ZNF891: variants seen among roughly 807,000 people sequenced by gnomAD.
ZNF891 encodes the protein zinc finger protein 891.
For missense variants in ZNF891, 589 were observed against 632.7 expected (o/e 0.93, Z 0.74); for synonymous variants, 199 against 209.0 (o/e 0.95, Z 0.41).
At chr12:133,128,139 C>T (rs1054546863) in intron 1 of ZNF891, among the ~76,000 whole-genome samples, 27 of 152,140 alleles carry the variant, frequency 1.8e-4, no homozygotes, top group African/African-American at 6.0e-4. Flanking sequence ...TGTCACAAAT[C>T]GGTGAATAAA....
chr12:133,106,318 T>A lies in ZNF891; in HGVS notation c.*13966A>T. On this transcript the variant is annotated 3_prime_UTR_variant, in exon 2 of 2. Coordinates refer to ENST00000537226, the MANE Select transcript of ZNF891 (RefSeq NM_001277291.2). Reference sequence around the variant, plus strand: ...GTTGTCACTCATTCCTTATTAAACATCAGAGAATTCATGCTGGAGAAAAGC... The same window carrying A: ...GTTGTCACTCATTCCTTATTAAACAACAGAGAATTCATGCTGGAGAAAAGC... The A allele has an allele frequency of 6.2e-7, 1 of 1,614,184 alleles. No homozygotes were observed. The highest frequency in any genetic ancestry group is 1.1e-5 in the South Asian group (1 of 91,086).
At position 133,106,534 on chromosome 12, in the gene ZNF891, C is replaced by A. The variant is rs1442349165; in HGVS notation, c.*13750G>T. On this transcript the variant is annotated 3_prime_UTR_variant, in exon 2 of 2. Transcript: ENST00000537226. ...AACCCTATGTATGTAAGGTATGCAA[C>A]AAATCCTTCAGCTGGAGCTCAAACC... is the stretch of plus-strand genomic sequence containing the variant. 6.2e-7 allele frequency: 1 copy of A among 1,613,982 alleles called. No individual in the cohort carries two copies. Among genetic ancestry groups the A allele is most frequent in the Non-Finnish European group, 8.5e-7 (1 of 1,179,998 alleles).
intron 1 of ZNF891, among the ~76,000 whole-genome samples, chr12:133,124,377 G>A (rs531660013): frequency 4.6e-5 from 7 of 152,106 alleles, no homozygotes; most frequent in East Asian, 1.9e-4. Context: ...AGAAAAAAGG[G>A]AACAGAAAAG....
intron 1 of ZNF891, among the ~76,000 whole-genome samples, chr12:133,129,282 A>C (rs1382112792): frequency 6.6e-6 from 1 of 152,102 alleles, no homozygotes; most frequent in Non-Finnish European, 1.5e-5. Flanking sequence ...CAGGCTGATC[A>C]CCTGAGGTCG....
rs573280913 is a variant in ZNF891 at position 133,113,357 on chromosome 12, T to C, written c.*6927A>G. ...AAAGAAAAAAATTATGACATAACCATTGATAAAACTTTGGTGTTATGTCTT... is the reference window on the plus strand; with the variant it reads ...AAAGAAAAAAATTATGACATAACCACTGATAAAACTTTGGTGTTATGTCTT... On this transcript the variant is annotated 3_prime_UTR_variant, in exon 2 of 2. Transcript: ENST00000537226. The C allele has an allele frequency of 2.6e-5, 4 of 152,178 alleles. No homozygotes were observed. In the South Asian group the frequency reaches 6.2e-4, roughly 24 times the overall value. The allele number at this position is 152,178 out of a possible 1,614,324, so 9.4% of individuals were successfully genotyped here. A position where few individuals can be genotyped will look rare whatever the true frequency, so the allele number is the denominator to read the frequency against.
Position 133,106,161 on chromosome 12 carries a change from A to G in ZNF891, c.*14123T>C. ...GAACTCATTCGCCACCAGATTACAC[A>G]TACTGGAGAGAAACCTTATGAATGC... On this transcript the variant is annotated 3_prime_UTR_variant, in exon 2 of 2. Coordinates refer to ENST00000537226, the MANE Select transcript of ZNF891 (RefSeq NM_001277291.2). 6.2e-7 allele frequency: 1 copy of G among 1,614,206 alleles called. No individual in the cohort carries two copies. The highest frequency in any genetic ancestry group is 1.3e-5 in the African/African-American group (1 of 75,048).
chr12:133,106,271 A>C lies in ZNF891; in HGVS notation c.*14013T>G, dbSNP rs1955590757. Reference sequence around the variant, plus strand: ...TACAACCAAAACCCCGTATGAATGTAATGAATGTAGGAAAGCTTTCCGTTG... The same window carrying C: ...TACAACCAAAACCCCGTATGAATGTCATGAATGTAGGAAAGCTTTCCGTTG... On this transcript the variant is annotated 3_prime_UTR_variant, in exon 2 of 2. Coordinates refer to ENST00000537226, the MANE Select transcript of ZNF891 (RefSeq NM_001277291.2). 6.2e-7 allele frequency: 1 copy of C among 1,614,204 alleles called. No homozygotes were observed. The highest frequency in any genetic ancestry group is 1.3e-5 in the African/African-American group (1 of 75,054).
chr12:133,105,563 G>C lies in ZNF891; in HGVS notation c.*14721C>G. On this transcript the variant is annotated 3_prime_UTR_variant, in exon 2 of 2. Transcript: ENST00000537226. The stretch of plus-strand genomic sequence containing the variant: ...CTTTTCACCAAAAAATGTCATTTAT[G>C]ATGACTCATCCCAGTATTTGATCAT... 6.2e-7 allele frequency: 1 copy of C among 1,613,212 alleles called. No individual in the cohort carries two copies. Among genetic ancestry groups the C allele is most frequent in the South Asian group, 1.1e-5 (1 of 90,846 alleles).
chr12:133,129,415 C>G (rs942073827), intron 1 of ZNF891, among the ~76,000 whole-genome samples: 2 of 150,702 alleles, frequency 1.3e-5, no homozygotes, highest in African/African-American at 4.9e-5. Context: ...GCAGAAGAAT[C>G]ACTTGAACCC....
chr12:133,125,886 A>C, intron 1 of ZNF891: 4 of 501,362 alleles, frequency 8.0e-6, no homozygotes, highest in East Asian at 5.6e-5. Context: ...GGAGAGAAGA[A>C]GGCATATGTT....
rs1955708808 is a variant in ZNF891, at chr12:133,115,244, T to C, written c.*5040A>G. On this transcript the variant is annotated 3_prime_UTR_variant, in exon 2 of 2. Coordinates refer to ENST00000537226, the MANE Select transcript of ZNF891 (RefSeq NM_001277291.2). ...CCCTGTCTCTACTAAAAATACAAAA[T>C]TAGCCAGGAGTGGTGGCACATGCCT... 1 of 151,730 alleles carries C rather than the reference T, an allele frequency of 6.6e-6. No individual in the cohort carries two copies. Among genetic ancestry groups the C allele is most frequent in the Non-Finnish European group, 1.5e-5 (1 of 67,956 alleles). 9.4% of individuals were successfully genotyped at this position (151,730 alleles called of 1,614,324 possible). A position where few individuals can be genotyped will look rare whatever the true frequency, so the allele number is the denominator to read the frequency against.
chr12:133,106,583 A>G lies in ZNF891; in HGVS notation c.*13701T>C. On this transcript the variant is annotated 3_prime_UTR_variant, in exon 2 of 2. Coordinates refer to ENST00000537226, the MANE Select transcript of ZNF891 (RefSeq NM_001277291.2). ...CCTTGCTAAACATCAGAGGACACAC[A>G]CTCTTGACAACCCCTATGAATATGA... 3.1e-6 allele frequency: 5 copies of G among 1,613,296 alleles called. No homozygotes were observed. The highest frequency in any genetic ancestry group is 4.2e-6 in the Non-Finnish European group (5 of 1,179,862).
chr12:133,105,390 G>A lies in ZNF891; in HGVS notation c.*14894C>T. Reference sequence around the variant, plus strand: ...CTACTCAGATTTCAGTCACAGCTGTGAAAGCTGCTATTGATAAGATTTTTT... The same window carrying A: ...CTACTCAGATTTCAGTCACAGCTGTAAAAGCTGCTATTGATAAGATTTTTT... On this transcript the variant is annotated 3_prime_UTR_variant, in exon 2 of 2. Transcript: ENST00000537226. 4.8e-6 allele frequency: 5 copies of A among 1,039,626 alleles called. No individual in the cohort carries two copies. Among genetic ancestry groups the A allele is most frequent in the Non-Finnish European group, 6.8e-6 (5 of 734,272 alleles). The allele number at this position is 1,039,626 out of a possible 1,614,324, so 64.4% of individuals were successfully genotyped here. A position where few individuals can be genotyped will look rare whatever the true frequency, so the allele number is the denominator to read the frequency against.
chr12:133,120,130 CAAA>C lies in ZNF891; in HGVS notation c.*151_*153del. ...TACCTAATTCTAAACAGCCATGGAT[CAAA>C]AAAAGTCATAATTAGTATTTACAGA... is the stretch of plus-strand genomic sequence containing the variant. On this transcript the variant is annotated 3_prime_UTR_variant, in exon 2 of 2. Transcript: ENST00000537226. 1 of 548,982 alleles carries C rather than the reference CAAA, an allele frequency of 1.8e-6. No individual in the cohort carries two copies. The highest frequency in any genetic ancestry group is 3.0e-6 in the Non-Finnish European group (1 of 328,794). 34.0% of individuals were successfully genotyped at this position (548,982 alleles called of 1,614,324 possible).
At position 133,121,909 on chromosome 12, in the gene ZNF891, T is replaced by TA. The variant is rs146760373; in HGVS notation, c.9dup (p.Met4TyrfsTer11). The stretch of plus-strand genomic sequence containing the variant: ...AAAGCCCATGGGGAGGATAGGTCCA[T>TA]AACTGCCATTTTATGAGTACATAAG... On this transcript the variant is annotated frameshift_variant, in exon 2 of 2. Transcript: ENST00000537226. LOFTEE classifies it low-confidence loss of function (END_TRUNC). 6.5e-7 allele frequency: 1 copy of TA among 1,533,560 alleles called. No homozygotes were observed. Among genetic ancestry groups the TA allele is most frequent in the Non-Finnish European group, 8.7e-7 (1 of 1,145,488 alleles). 95.0% of individuals were successfully genotyped at this position (1,533,560 alleles called of 1,614,324 possible). A position where few individuals can be genotyped will look rare whatever the true frequency, so the allele number is the denominator to read the frequency against.
At chr12:133,129,224 G>A (rs546799629) in intron 1 of ZNF891, among the ~76,000 whole-genome samples, 10 of 152,122 alleles carry the variant, frequency 6.6e-5, no homozygotes, top group Non-Finnish European at 1.5e-4. Flanking sequence ...AGTCAGGGCC[G>A]GGTGCGGTGG....
Position 133,121,665 on chromosome 12 carries a change from T to C in ZNF891, c.254A>G (p.Gln85Arg). The C allele has an allele frequency of 2.0e-6, 3 of 1,536,468 alleles. No homozygotes were observed. The highest frequency in any genetic ancestry group is 2.6e-6 in the Non-Finnish European group (3 of 1,146,928). Reference protein sequence around the residue: ...NYRNLTSVEYQLYRLTVISPL... With the variant: ...NYRNLTSVEYRLYRLTVISPL... The stretch of plus-strand genomic sequence containing the variant: ...GGAGATCACAGTAAGCCTGTACAAC[T>C]GATATTCCACGGAGGTGAGATTTCT... The change falls in exon 2 of 2, where the codon CAG (glutamine) becomes CGG (arginine). Residue 85 changes from glutamine (Q) to arginine (R), a missense_variant. Gln to Arg is a conservative substitution (Grantham distance 43, BLOSUM62 1). Coordinates refer to ENST00000537226, the MANE Select transcript of ZNF891 (RefSeq NM_001277291.2).
rs1417211761 is a variant in ZNF891 at position 133,117,983 on chromosome 12, T to C, written c.*2301A>G. On this transcript the variant is annotated 3_prime_UTR_variant, in exon 2 of 2. Transcript: ENST00000537226. ...TTTTTTTTGAGATGAAGTCCTGCTC[T>C]GTCACCAGGCTGGAGTGCAGTGGTG... 2.7e-5 allele frequency: 4 copies of C among 147,372 alleles called. No individual in the cohort carries two copies. Among genetic ancestry groups the C allele is most frequent in the African/African-American group, 1.0e-4 (4 of 39,198 alleles). 9.1% of individuals were successfully genotyped at this position (147,372 alleles called of 1,614,324 possible).
rs1049021718 is a variant in ZNF891, at chr12:133,112,859, A to C, written c.*7425T>G. On this transcript the variant is annotated 3_prime_UTR_variant, in exon 2 of 2. Coordinates refer to ENST00000537226, the MANE Select transcript of ZNF891 (RefSeq NM_001277291.2). Reference sequence around the variant, plus strand: ...CAGATCACGAGGTCAGGAGATCGAGACCATCCTGGCTAATACGGTGAAACC... The same window carrying C: ...CAGATCACGAGGTCAGGAGATCGAGCCCATCCTGGCTAATACGGTGAAACC... 7.9e-5 allele frequency: 12 copies of C among 152,062 alleles called. No homozygotes were observed. Among genetic ancestry groups the C allele is most frequent in the African/African-American group, 2.7e-4 (11 of 41,404 alleles). 9.4% of individuals were successfully genotyped at this position (152,062 alleles called of 1,614,324 possible).
Sources: allele counts gnomAD v4.1 joint callset (sites outside exome capture counted in the v4.1 genomes callset), GRCh38; gene constraint gnomAD v4.1.1; transcripts MANE v1.5; gene names NCBI Gene and HGNC (gene_info 2026-07-23, HGNC 2026-07-21).